The following VSTM2B variants were observed in gnomAD, a reference collection of about 807,000 sequenced individuals.
The protein encoded by VSTM2B is V-set and transmembrane domain-containing protein 2B.
Under a neutral mutation model 24.0 loss-of-function variants are expected in VSTM2B, and 24 were observed. That is an observed-to-expected ratio of 1.00 (90% CI 0.72 to 1.40). The LOEUF is 1.40. VSTM2B is among the 40% of genes most tolerant of loss of function. VSTM2B has a pLI of 0.00. For missense variants in VSTM2B, 399 were observed against 416.4 expected (o/e 0.96, Z 0.36); for synonymous variants, 226 against 194.4 (o/e 1.16, Z -1.35).
intron 4 of VSTM2B, among the ~76,000 whole-genome samples, chr19:29,540,306 G>T (rs1429939543): frequency 6.6e-6 from 1 of 152,260 alleles, no homozygotes; most frequent in East Asian, 1.9e-4. Context: ...TGGTGGCCAT[G>T]CAGGAGGATG....
In VSTM2B at chr19:29,530,260, G is replaced by C. The variant is rs935528526; in HGVS notation, c.739G>C (p.Ala247Pro). 1.3e-6 allele frequency: 2 copies of C among 1,503,264 alleles called. No homozygotes were observed. Among genetic ancestry groups the C allele is most frequent in the African/African-American group, 2.9e-5 (2 of 68,982 alleles). The allele number at this position is 1,503,264 out of a possible 1,614,324, so 93.1% of individuals were successfully genotyped here. ...GTCAGCGTCGCCGCCATCGGGACAG[G>C]CGGTCCTGCTGCGCCAGAGGCACGG... Reference protein sequence around the residue: ...ASSASPPSGQAVLLRQRHGSG... With the variant: ...ASSASPPSGQPVLLRQRHGSG... Residue 247 changes from alanine (A) to proline (P), a missense_variant, in exon 4 of 5, where the codon GCG becomes CCG. Physicochemically the swap from Ala to Pro is conservative, Grantham distance 27 (BLOSUM62 -1). Coordinates refer to ENST00000335523, the MANE Select transcript of VSTM2B (RefSeq NM_001146339.2).
intron 4 of VSTM2B, among the ~76,000 whole-genome samples, chr19:29,561,124 C>A (rs1017277677): frequency 6.6e-6 from 1 of 151,934 alleles, no homozygotes. Flanking sequence ...CCAGCCTGGG[C>A]AACATGATGA....
intron 4 of VSTM2B, among the ~76,000 whole-genome samples, chr19:29,562,069 A>G (rs1208459215): frequency 6.6e-6 from 1 of 152,168 alleles, no homozygotes; most frequent in Non-Finnish European, 1.5e-5. Flanking sequence ...GCGATGGTCT[A>G]TGGACAATTC....
intron 3 of VSTM2B, chr19:29,529,134 C>A: frequency 2.0e-6 from 2 of 985,356 alleles, no homozygotes; most frequent in Non-Finnish European, 2.4e-6. Flanking sequence ...AGCCGTAGAG[C>A]AGTACTTCCC....
chr19:29,526,628 T>A lies in VSTM2B; in HGVS notation c.45T>A (p.Pro15=). The A allele has an allele frequency of 6.5e-7, 1 of 1,530,200 alleles. No individual in the cohort carries two copies. The highest frequency in any genetic ancestry group is 8.7e-7 in the Non-Finnish European group (1 of 1,143,652). 94.8% of individuals were successfully genotyped at this position (1,530,200 alleles called of 1,614,324 possible). The change falls in exon 1 of 5, where the codon CCT becomes CCA. Residue 15 remains proline, a synonymous_variant. Transcript: ENST00000335523. This position sits in a 1 kb window ranked among gnomAD's most constrained non-coding sequence, Gnocchi z 4.1. ...TCGGTGCCCTCGGATACCTGCCGCC[T>A]CTGCTGCTGCATGCCCTGCTGCTCT... ...NRLGALGYLP[P]LLLHALLLFV... is the part of the protein sequence containing the mutation.
intron 4 of VSTM2B, among the ~76,000 whole-genome samples, chr19:29,542,964 G>A (rs866573966): frequency 6.6e-6 from 1 of 152,104 alleles, no homozygotes; most frequent in South Asian, 2.1e-4. Flanking sequence ...CTAGACAGAG[G>A]GGAAGGGCAG....
At position 29,541,272 on chromosome 19, in the gene VSTM2B, G is replaced by A. The variant is rs1970012609; in HGVS notation, c.769+10982G>A. Among the ~76,000 whole-genome samples the A allele has an allele frequency of 3.3e-5, 5 of 152,218 alleles. No homozygotes were observed. The South Asian group carries it at 1.0e-3, about 31-fold the overall frequency. On this transcript the variant is annotated intron_variant, in intron 4 of 4. Transcript: ENST00000335523. ...TGGTTGCAATGTGGAGATTGGAGAG[G>A]TGGGATGAATTTGATAGATGGGGAA...
intron 4 of VSTM2B, among the ~76,000 whole-genome samples, chr19:29,555,001 T>TTGAGA: frequency 6.6e-6 from 1 of 152,090 alleles, no homozygotes; most frequent in Middle Eastern, 3.4e-3. Flanking sequence ...TATTAGATCA[T>TTGAGA]TGAGACAGAA....
In VSTM2B at chr19:29,530,441, C is replaced by CG. The variant is rs1022895697; in HGVS notation, c.769+151_769+152insG. Among the ~76,000 whole-genome samples the CG allele has an allele frequency of 2.7e-5, 4 of 145,930 alleles. No individual in the cohort carries two copies. In the East Asian group the frequency reaches 7.2e-4, roughly 26 times the overall value. ...TCCTAGTTAGGTCGGGAGCGCCCCC[C>CG]CCAGGGCCTTCTTCCCGCGGTTTCT... On this transcript the variant is annotated intron_variant, in intron 4 of 4. Coordinates refer to ENST00000335523, the MANE Select transcript of VSTM2B (RefSeq NM_001146339.2).
intron 4 of VSTM2B, among the ~76,000 whole-genome samples, chr19:29,538,648 C>A (rs1015673913): frequency 6.6e-6 from 1 of 152,168 alleles, no homozygotes; most frequent in African/African-American, 2.4e-5. Flanking sequence ...AGCAAGGCAC[C>A]AGCATCTACT....
rs1366826527 is a variant in VSTM2B, at chr19:29,526,668, G to A, written c.82+3G>A. On this transcript the variant is annotated splice_donor_region_variant and intron_variant, in intron 1 of 4. Transcript: ENST00000335523. This position sits in a 1 kb window ranked among gnomAD's most constrained non-coding sequence, Gnocchi z 4.1. ...CCTGCTGCTCTTCGTGGCCGACGGT[G>A]AGCGCGGGAACTTTGCTGCCGCTGT... is the stretch of plus-strand genomic sequence containing the variant. 1 of 1,528,564 alleles carries A rather than the reference G, an allele frequency of 6.5e-7. No individual in the cohort carries two copies. Among genetic ancestry groups the A allele is most frequent in the Non-Finnish European group, 8.7e-7 (1 of 1,142,980 alleles). The allele number at this position is 1,528,564 out of a possible 1,614,324, so 94.7% of individuals were successfully genotyped here.
intron 4 of VSTM2B, among the ~76,000 whole-genome samples, chr19:29,539,494 C>T (rs761235866): frequency 6.6e-6 from 1 of 152,062 alleles, no homozygotes; most frequent in Non-Finnish European, 1.5e-5. Flanking sequence ...AGAGGAGGTG[C>T]CCGAAGTCCC....
intron 4 of VSTM2B, among the ~76,000 whole-genome samples, chr19:29,545,034 C>G (rs1373574685): frequency 6.6e-6 from 1 of 152,210 alleles, no homozygotes; most frequent in African/African-American, 2.4e-5. Flanking sequence ...CATCCACATA[C>G]AGCCCCGAAG....
At chr19:29,550,829 GA>G (rs74786680) in intron 4 of VSTM2B, among the ~76,000 whole-genome samples, 13,001 of 139,842 alleles carry the variant, frequency 0.093, 878 homozygotes, top group African/African-American at 0.2. Flanking sequence ...TCTCAAACCT[GA>G]AAAAAAAAAA....
At chr19:29,546,422 G>A (rs1970156153) in intron 4 of VSTM2B, among the ~76,000 whole-genome samples, 1 of 152,208 alleles carries the variant, frequency 6.6e-6, no homozygotes, top group South Asian at 2.1e-4. Context: ...TGTGACCTTA[G>A]TCAAGTCACC....
At chr19:29,542,034 G>A (rs1970032028) in intron 4 of VSTM2B, among the ~76,000 whole-genome samples, 1 of 151,320 alleles carries the variant, frequency 6.6e-6, no homozygotes, top group South Asian at 2.1e-4. Flanking sequence ...GATGGTAGAT[G>A]GGTGAGTGGA....
rs2049264661 is a variant in VSTM2B at position 29,564,077 on chromosome 19, G to C, written c.*143G>C. The C allele has an allele frequency of 1.5e-6, 1 of 677,960 alleles. No individual in the cohort carries two copies. The highest frequency in any genetic ancestry group is 1.8e-5 in the African/African-American group (1 of 55,174). The allele number at this position is 677,960 out of a possible 1,614,324, so 42.0% of individuals were successfully genotyped here. A position where few individuals can be genotyped will look rare whatever the true frequency, so the allele number is the denominator to read the frequency against. On this transcript the variant is annotated 3_prime_UTR_variant, in exon 5 of 5. Transcript: ENST00000335523. ...TGGAAAATAAATAAATCATATTTTT[G>C]GGAAAGTTACACAAATGTAGAACAC...
chr19:29,549,208 C>T (rs1263524042), intron 4 of VSTM2B, among the ~76,000 whole-genome samples: 2 of 152,214 alleles, frequency 1.3e-5, no homozygotes, highest in Non-Finnish European at 1.5e-5. Context: ...TCAGACAGCC[C>T]TCAGGTGGCC....
At chr19:29,543,388 T>C (rs1970068170) in intron 4 of VSTM2B, among the ~76,000 whole-genome samples, 1 of 152,158 alleles carries the variant, frequency 6.6e-6, no homozygotes, top group Admixed American at 6.5e-5. Context: ...AACCTTTTGG[T>C]TAAATTGTGT....
Sources: gnomAD v4.1 joint callset for allele counts (sites outside exome capture counted in the v4.1 genomes callset) on GRCh38, gnomAD v4.1.1 for gene constraint, Gnocchi (gnomAD v3.1) non-coding constraint, MANE v1.5 for transcripts, NCBI Gene and HGNC (gene_info 2026-07-23, HGNC 2026-07-21) for gene names.